Variants in TMEM132C observed in about 807,000 individuals in gnomAD.
TMEM132C encodes the protein transmembrane protein 132C, also known as protein phosphatase 1, regulatory subunit 152.
TMEM132C carries 29 observed loss-of-function variants against 61.4 expected under a neutral mutation model. That is an observed-to-expected ratio of 0.47 (90% CI 0.35 to 0.64). The LOEUF (loss-of-function observed/expected upper bound fraction) is 0.64. TMEM132C is among the 30% of genes least tolerant of loss of function. The pLI, the probability that TMEM132C is intolerant of heterozygous loss-of-function variation, is 0.00. For missense variants in TMEM132C, 1,408 were observed against 1,476.9 expected, an observed-to-expected ratio of 0.95 and a Z score of 0.76; for synonymous variants, 656 against 633.1, an observed-to-expected ratio of 1.04 and a Z score of -0.54.
chr12:128,538,831 T>C (rs1459795508), intron 2 of TMEM132C, among the ~76,000 whole-genome samples: 1 of 152,224 alleles, frequency 6.6e-6, no homozygotes, highest in East Asian at 1.9e-4. Context: ...ATCCCTCAAG[T>C]ATAATAATCA....
intron 8 of TMEM132C, among the ~76,000 whole-genome samples, chr12:128,702,330 A>G (rs1566019555): frequency 6.6e-6 from 1 of 152,060 alleles, no homozygotes; most frequent in Admixed American, 6.5e-5. Context: ...TATTTCATAA[A>G]TAACATTTAT....
chr12:128,695,710 G>A, intron 6 of TMEM132C, 120 bp from the exon 7 acceptor site: 1 of 1,114,434 alleles, frequency 9.0e-7, no homozygotes. Context: ...CCCCTTGCAT[G>A]GTCCTGGCGC....
intron 1 of TMEM132C, among the ~76,000 whole-genome samples, chr12:128,319,568 C>A (rs185486675): frequency 1.8e-4 from 27 of 152,204 alleles, no homozygotes; most frequent in African/African-American, 5.8e-4. Context: ...TGGCTCATGC[C>A]TGTAATCCCA....
intron 3 of TMEM132C, among the ~76,000 whole-genome samples, chr12:128,582,581 T>C (rs1451160919): frequency 1.3e-5 from 2 of 152,118 alleles, no homozygotes; most frequent in East Asian, 1.9e-4. Flanking sequence ...GTTTCCCCCA[T>C]ACTGTTCTCA....
chr12:128,269,838 C>T (rs1255930901), intron 1 of TMEM132C, among the ~76,000 whole-genome samples: 2 of 150,314 alleles, frequency 1.3e-5, no homozygotes, highest in Non-Finnish European at 3.0e-5. Flanking sequence ...AAAAAGCCAT[C>T]TCTGTCTCTT....
chr12:128,491,143 T>A (rs180755176), intron 2 of TMEM132C, among the ~76,000 whole-genome samples: 23 of 152,258 alleles, frequency 1.5e-4, no homozygotes, highest in Non-Finnish European at 3.2e-4. Context: ...ACAGGCAAGG[T>A]GCTCTGTAGA....
intron 3 of TMEM132C, among the ~76,000 whole-genome samples, chr12:128,603,565 G>T (rs1392037926): frequency 6.6e-6 from 1 of 152,146 alleles, no homozygotes; most frequent in East Asian, 1.9e-4. Context: ...GGAGGGCTTG[G>T]TGAGTATTCT....
intron 4 of TMEM132C, among the ~76,000 whole-genome samples, chr12:128,664,006 A>G (rs1252001984): frequency 1.2e-4 from 18 of 146,852 alleles, no homozygotes; most frequent in African/African-American, 4.0e-4. Context: ...TCACACAGGC[A>G]CACACGCATA....
At chr12:128,641,982 T>G (rs137950369) in intron 4 of TMEM132C, among the ~76,000 whole-genome samples, 5 of 139,132 alleles carry the variant, frequency 3.6e-5, no homozygotes, top group Non-Finnish European at 7.9e-5. Flanking sequence ...TTTTTTTTTG[T>G]ATTTTTAGTA....
At chr12:128,653,571 C>T (rs993770093) in intron 4 of TMEM132C, among the ~76,000 whole-genome samples, 1 of 152,146 alleles carries the variant, frequency 6.6e-6, no homozygotes. Context: ...CCCTGGCTCC[C>T]CTCCTGACCT....
At chr12:128,485,748 G>A (rs1027057513) in intron 2 of TMEM132C, among the ~76,000 whole-genome samples, 3 of 152,182 alleles carry the variant, frequency 2.0e-5, no homozygotes, top group African/African-American at 7.2e-5. Context: ...CCAGTCTCAG[G>A]CCGTACTAAG....
At chr12:128,302,399 T>C (rs1593003459) in intron 1 of TMEM132C, among the ~76,000 whole-genome samples, 1 of 152,214 alleles carries the variant, frequency 6.6e-6, no homozygotes, top group East Asian at 1.9e-4. Flanking sequence ...TTGACCAATT[T>C]TCAGCCCTGA....
At chr12:128,507,621 T>C (rs1461646436) in intron 2 of TMEM132C, among the ~76,000 whole-genome samples, 5 of 152,168 alleles carry the variant, frequency 3.3e-5, no homozygotes, top group Non-Finnish European at 4.4e-5. Flanking sequence ...TTTTCTGGGC[T>C]GTTTTCAGGG....
At chr12:128,503,031 C>T (rs1872234314) in intron 2 of TMEM132C, among the ~76,000 whole-genome samples, 1 of 152,218 alleles carries the variant, frequency 6.6e-6, no homozygotes, top group South Asian at 2.1e-4. Context: ...ATTGTTGAAA[C>T]TTGAAGGCTA....
intron 1 of TMEM132C, among the ~76,000 whole-genome samples, chr12:128,293,494 G>A (rs1034426482): frequency 2.0e-5 from 3 of 152,062 alleles, no homozygotes; most frequent in Non-Finnish European, 4.4e-5. Flanking sequence ...AGAACCTCGG[G>A]GCACTTGAGA....
chr12:128,361,892 T>C (rs764971398), intron 1 of TMEM132C, among the ~76,000 whole-genome samples: 7 of 152,152 alleles, frequency 4.6e-5, no homozygotes, highest in Non-Finnish European at 1.0e-4. Flanking sequence ...ACAGAAAGGC[T>C]TGCAACTCCA....
intron 1 of TMEM132C, among the ~76,000 whole-genome samples, chr12:128,302,170 G>T (rs1871620210): frequency 6.6e-6 from 1 of 152,198 alleles, no homozygotes; most frequent in African/African-American, 2.4e-5. Context: ...TCACCTTTGT[G>T]CCTGACATTG....
intron 1 of TMEM132C, chr12:128,404,577 T>C (rs1390292040): frequency 6.6e-6 from 1 of 152,222 alleles, no homozygotes; most frequent in Non-Finnish European, 1.5e-5. Context: ...GGAAGGCTCA[T>C]TCTCCCAGTG....
chr12:128,490,010 G>A (rs921378726), intron 2 of TMEM132C, among the ~76,000 whole-genome samples: 8 of 152,182 alleles, frequency 5.3e-5, no homozygotes, highest in African/African-American at 1.9e-4. Flanking sequence ...CAGGCTTAGA[G>A]TCTAGGCTGG....
Sources: allele counts gnomAD v4.1 joint callset (sites outside exome capture counted in the v4.1 genomes callset), GRCh38; gene constraint gnomAD v4.1.1; transcripts MANE v1.5; gene names NCBI Gene and HGNC (gene_info 2026-07-23, HGNC 2026-07-21).